The following MTUS2 variants were observed in gnomAD, a reference collection of about 807,000 sequenced individuals.
MTUS2 encodes microtubule-associated tumor suppressor candidate 2.
A neutral mutation model predicts 114.1 loss-of-function variants in MTUS2; 40 were observed. The ratio of observed to expected loss-of-function variants is 0.35; its 90% CI spans 0.27 to 0.46. The LOEUF (loss-of-function observed/expected upper bound fraction) is 0.46, where lower values mean the gene tolerates loss of function less well. MTUS2 is among the 20% of genes least tolerant of loss of function. The pLI, the probability that MTUS2 is intolerant of heterozygous loss-of-function variation, is 1.00. For missense variants in MTUS2, 1,679 were observed against 1,705.4 expected, an observed-to-expected ratio of 0.98 and a Z score of 0.27; for synonymous variants, 688 against 672.0, an observed-to-expected ratio of 1.02 and a Z score of -0.37.
chr13:28,899,838 G>A (rs745732175), intron 2 of MTUS2, among the ~76,000 whole-genome samples: 2 of 152,034 alleles, frequency 1.3e-5, no homozygotes, highest in Non-Finnish European at 2.9e-5. Context: ...GAGGCTGCCC[G>A]ATTCATGAAT....
chr13:29,244,846 C>T (rs1346032837), intron 5 of MTUS2, among the ~76,000 whole-genome samples: 3 of 144,814 alleles, frequency 2.1e-5, no homozygotes, highest in Non-Finnish European at 3.0e-5. Flanking sequence ...GTCCCAGCTA[C>T]TTGGGAGGCT....
chr13:29,492,497 A>T (rs1408774509), intron 11 of MTUS2, 149 bp from the exon 12 acceptor site: 1 of 602,416 alleles, frequency 1.7e-6, no homozygotes, highest in East Asian at 2.8e-5. Context: ...TACAATTTCA[A>T]ACCAGTGGAG....
intron 2 of MTUS2, among the ~76,000 whole-genome samples, chr13:28,856,041 C>T (rs549348057): frequency 5.3e-4 from 80 of 152,192 alleles, no homozygotes; most frequent in African/African-American, 1.7e-3. Context: ...GGTTTTATAC[C>T]GCACATCTAT....
chr13:28,941,789 G>C (rs192696959), intron 2 of MTUS2, among the ~76,000 whole-genome samples: 1 of 151,908 alleles, frequency 6.6e-6, no homozygotes, highest in African/African-American at 2.4e-5. Context: ...GAATTATACC[G>C]ATGAGCTTTT....
At chr13:29,316,146 G>A (rs4526865) in intron 6 of MTUS2, among the ~76,000 whole-genome samples, 62,220 of 151,928 alleles carry the variant, frequency 0.41, 13,489 homozygotes, top group African/African-American at 0.53. Flanking sequence ...AAGAACCTTG[G>A]AACCTCAAAG....
In MTUS2 at chr13:29,024,831, A is replaced by C. The variant is rs771580260; in HGVS notation, c.133A>C (p.Ser45Arg). 4.3e-6 allele frequency: 7 copies of C among 1,614,054 alleles called. No homozygotes were observed. Among genetic ancestry groups the C allele is most frequent in the African/African-American group, 1.3e-5 (1 of 75,064 alleles). ...TNANQIMLEVSSSHDESKTCD... is the reference protein window; with the variant it reads ...TNANQIMLEVRSSHDESKTCD... ...TGCCAATCAAATCATGTTGGAGGTC[A>C]GCTCCTCTCATGACGAGTCCAAGAC... Residue 45 changes from serine to arginine, a missense_variant, in exon 3 of 16, where the codon AGC (serine) becomes CGC (arginine). Around this residue, in one of 3 missense-constraint regions of MTUS2, gnomAD observed 843 missense variants for 770.8 expected, o/e 1.09. Transcript: ENST00000612955.
chr13:28,835,280 A>G (rs987370194), intron 1 of MTUS2, among the ~76,000 whole-genome samples: 5 of 152,238 alleles, frequency 3.3e-5, no homozygotes, highest in Admixed American at 1.3e-4. Context: ...TTAATAGATA[A>G]ATAAGATATG....
At chr13:29,102,009 GTGTT>G (rs1890438809) in intron 5 of MTUS2, among the ~76,000 whole-genome samples, 1 of 152,172 alleles carries the variant, frequency 6.6e-6, no homozygotes, top group Admixed American at 6.5e-5. Flanking sequence ...GTTTCTAAGG[GTGTT>G]TTATTTGCTC....
At chr13:29,084,360 C>T (rs1408171871) in intron 4 of MTUS2, among the ~76,000 whole-genome samples, 2 of 151,136 alleles carry the variant, frequency 1.3e-5, no homozygotes. Flanking sequence ...CCTCCACCCT[C>T]CTTAAAAAAA....
chr13:29,281,676 T>C, intron 5 of MTUS2, 28 bp from the exon 6 acceptor site: 3 of 1,566,362 alleles, frequency 1.9e-6, no homozygotes, highest in Non-Finnish European at 2.6e-6. Flanking sequence ...CATGAAGTTA[T>C]AATTAACACG....
intron 2 of MTUS2, among the ~76,000 whole-genome samples, chr13:28,920,004 A>G (rs896425494): frequency 1.3e-5 from 2 of 152,202 alleles, no homozygotes; most frequent in Admixed American, 1.3e-4. Context: ...AGTTTCCTCA[A>G]CACAACTAAT....
At chr13:29,202,332 T>C (rs1411520118) in intron 5 of MTUS2, among the ~76,000 whole-genome samples, 2 of 152,194 alleles carry the variant, frequency 1.3e-5, no homozygotes, top group Non-Finnish European at 2.9e-5. Flanking sequence ...ATGAAGTTCA[T>C]ATGCTATGTT....
At chr13:29,277,346 T>C (rs80013354) in intron 5 of MTUS2, among the ~76,000 whole-genome samples, 1 of 152,144 alleles carries the variant, frequency 6.6e-6, no homozygotes, top group Admixed American at 6.5e-5. Flanking sequence ...AAAAGAAGAC[T>C]TAATTGTGTC....
intron 6 of MTUS2, among the ~76,000 whole-genome samples, chr13:29,304,303 T>C (rs77958508): frequency 0.022 from 3,416 of 152,162 alleles, 54 homozygotes; most frequent in Middle Eastern, 0.061. Context: ...CAATCTAAAA[T>C]GTAAACATGC....
chr13:29,384,701 G>A (rs1016593362), intron 8 of MTUS2, among the ~76,000 whole-genome samples: 2 of 152,156 alleles, frequency 1.3e-5, no homozygotes, highest in African/African-American at 4.8e-5. Context: ...ATCTCCCCAG[G>A]GTACACACTG....
At position 29,314,703 on chromosome 13, in the gene MTUS2, A is replaced by G. The variant is rs118016066; in HGVS notation, c.2807-9910A>G. 7.7e-3 allele frequency among the ~76,000 whole-genome samples: 1,166 copies of G among 152,332 alleles called. 6 individuals are homozygous for G. The highest frequency in any genetic ancestry group is 0.019 in the South Asian group (90 of 4,824). The stretch of plus-strand genomic sequence containing the variant: ...GTATGGAGGGATAAGACAAGATACT[A>G]CTGGGTGGTTTTTGTTGTTGTTTAA... On this transcript the variant is annotated intron_variant, in intron 6 of 15. Transcript: ENST00000612955.
At chr13:28,938,721 G>A (rs1882061426) in intron 2 of MTUS2, among the ~76,000 whole-genome samples, 1 of 152,004 alleles carries the variant, frequency 6.6e-6, no homozygotes, top group African/African-American at 2.4e-5. Flanking sequence ...GCACAAAAAG[G>A]ACAAATGTTT....
intron 5 of MTUS2, among the ~76,000 whole-genome samples, chr13:29,122,799 C>T (rs1236212428): frequency 6.6e-6 from 1 of 152,194 alleles, no homozygotes; most frequent in Non-Finnish European, 1.5e-5. Flanking sequence ...AATGGTGCTA[C>T]TTTATTTAAA....
intron 2 of MTUS2, among the ~76,000 whole-genome samples, chr13:29,015,355 A>G (rs1298079274): frequency 6.6e-6 from 1 of 152,156 alleles, no homozygotes; most frequent in African/African-American, 2.4e-5. Flanking sequence ...TTTCAAGAAA[A>G]GGGATGGAGC....
Sources: allele counts gnomAD v4.1 joint callset (sites outside exome capture counted in the v4.1 genomes callset), GRCh38; gene constraint gnomAD v4.1.1; regional missense constraint gnomAD v4.1.1; transcripts MANE v1.5; gene names NCBI Gene and HGNC (gene_info 2026-07-23, HGNC 2026-07-21).